WDPCP: variants seen among roughly 807,000 people sequenced by gnomAD.
The protein encoded by WDPCP is WD repeat-containing and planar cell polarity effector protein fritz homolog.
In WDPCP, 71 loss-of-function variants were observed where a neutral mutation model predicts 93.1. The ratio of observed to expected loss-of-function variants is 0.76; its 90% CI spans 0.63 to 0.93. WDPCP has a LOEUF of 0.93. Among genes scored for constraint, WDPCP ranks in the 40% least tolerant of loss-of-function variants. WDPCP has a pLI of 0.00. For synonymous variants in WDPCP, 315 were observed against 315.0 expected, an observed-to-expected ratio of 1.00 and a Z score of 0.00; for missense variants, 844 against 887.4, an observed-to-expected ratio of 0.95 and a Z score of 0.62.
intron 14 of WDPCP, among the ~76,000 whole-genome samples, chr2:63,212,970 A>G (rs1340280894): frequency 6.6e-6 from 1 of 152,164 alleles, no homozygotes; most frequent in African/African-American, 2.4e-5. Context: ...CAGATTCATA[A>G]AGCAAGTCCT....
chr2:63,244,837 C>T (rs749543826), intron 14 of WDPCP, among the ~76,000 whole-genome samples: 41 of 152,220 alleles, frequency 2.7e-4, no homozygotes, highest in Middle Eastern at 6.8e-3. Context: ...AGATGGGTGT[C>T]GGTCAGTTAT....
intron 8 of WDPCP, among the ~76,000 whole-genome samples, chr2:63,434,757 A>AG (rs940100110): frequency 5.3e-5 from 8 of 152,146 alleles, no homozygotes; most frequent in African/African-American, 1.9e-4. Flanking sequence ...AGCAAAGGGC[A>AG]GGGGGTCTTC....
At chr2:63,179,905 T>C (rs1347494994) in intron 14 of WDPCP, among the ~76,000 whole-genome samples, 1 of 152,216 alleles carries the variant, frequency 6.6e-6, no homozygotes, top group African/African-American at 2.4e-5. Flanking sequence ...TAAGATTTGT[T>C]TTGTGGCCTT....
intron 1 of WDPCP, among the ~76,000 whole-genome samples, chr2:63,581,940 T>G (rs1708522909): frequency 6.6e-6 from 1 of 151,312 alleles, no homozygotes; most frequent in Non-Finnish European, 1.5e-5. Flanking sequence ...CCTAGGAGGT[T>G]GAGGCTGCAC....
At chr2:63,270,172 C>A (rs906728272) in intron 13 of WDPCP, among the ~76,000 whole-genome samples, 3 of 152,042 alleles carry the variant, frequency 2.0e-5, no homozygotes, top group South Asian at 2.1e-4. Flanking sequence ...CACAGTCTTT[C>A]TTGTATTAGG....
chr2:63,481,400 G>A (rs553957361), intron 6 of WDPCP, among the ~76,000 whole-genome samples: 4 of 151,966 alleles, frequency 2.6e-5, no homozygotes, highest in Middle Eastern at 3.4e-3. Context: ...GGTATCTACC[G>A]AGATGAAAAG....
intron 13 of WDPCP, among the ~76,000 whole-genome samples, chr2:63,283,002 T>G (rs1459078750): frequency 6.6e-6 from 1 of 152,198 alleles, no homozygotes; most frequent in African/African-American, 2.4e-5. Context: ...AAGTTTTGCT[T>G]TTTGGAATTT....
intron 2 of WDPCP, among the ~76,000 whole-genome samples, chr2:63,678,437 T>A (rs956997555): frequency 6.6e-6 from 1 of 152,220 alleles, no homozygotes; most frequent in Non-Finnish European, 1.5e-5. Context: ...ATTGATTGAT[T>A]TATCTTTCCA....
intron 3 of WDPCP, chr2:63,606,077 T>A (rs1443910134): frequency 6.6e-7 from 1 of 1,511,166 alleles, no homozygotes; most frequent in Non-Finnish European, 9.2e-7. Context: ...TAGTTATATG[T>A]TTCTCTTAAG....
In WDPCP at chr2:63,164,061, T is replaced by C. The variant is rs566078295; in HGVS notation, c.2079-10487A>G. On this transcript the variant is annotated intron_variant, in intron 15 of 17. Coordinates refer to ENST00000272321, the MANE Select transcript of WDPCP (RefSeq NM_015910.7). ...CTAGCTGTAAATATCAAAGTAGATA[T>C]ATTTACTGCAAATACAAGGTTTATT... Among the ~76,000 whole-genome samples the C allele has an allele frequency of 2.6e-5, 4 of 152,336 alleles. No homozygotes were observed. The South Asian group carries it at 8.3e-4, about 32-fold the overall frequency.
chr2:63,204,107 G>A (rs1052777750), intron 14 of WDPCP, among the ~76,000 whole-genome samples: 1 of 152,082 alleles, frequency 6.6e-6, no homozygotes, highest in African/African-American at 2.4e-5. Flanking sequence ...TCTATTTTTA[G>A]TTTTTTGAGG....
At chr2:63,249,974 G>A (rs917368402) in intron 14 of WDPCP, among the ~76,000 whole-genome samples, 2 of 152,172 alleles carry the variant, frequency 1.3e-5, no homozygotes, top group Non-Finnish European at 2.9e-5. Flanking sequence ...TCTTCACAAT[G>A]TCATGGATAG....
chr2:63,580,849 T>C (rs1575695701), intron 1 of WDPCP, among the ~76,000 whole-genome samples: 1 of 152,200 alleles, frequency 6.6e-6, no homozygotes, highest in Admixed American at 6.5e-5. Flanking sequence ...GTTCTTGGAA[T>C]ATATTCACTG....
At chr2:63,586,658 T>G (rs1423639102) in intron 1 of WDPCP, among the ~76,000 whole-genome samples, 1 of 152,198 alleles carries the variant, frequency 6.6e-6, no homozygotes, top group Non-Finnish European at 1.5e-5. Context: ...TAACCTGATT[T>G]ACAAGGGCAA....
chr2:63,305,866 T>C (rs1427197956), intron 13 of WDPCP, among the ~76,000 whole-genome samples: 1 of 151,636 alleles, frequency 6.6e-6, no homozygotes, highest in African/African-American at 2.4e-5. Flanking sequence ...ATAAATGACC[T>C]GATGGAGATG....
intron 1 of WDPCP, among the ~76,000 whole-genome samples, chr2:63,516,357 ATTAT>A (rs1250555288): frequency 6.6e-6 from 1 of 152,144 alleles, no homozygotes; most frequent in Admixed American, 6.5e-5. Context: ...TATACAATAG[ATTAT>A]TTAGTCACTC....
At chr2:63,837,243 G>A in the WDPCP span, among the ~76,000 whole-genome samples, 1 of 152,174 alleles carries the variant, frequency 6.6e-6, no homozygotes, top group Non-Finnish European at 1.5e-5. Flanking sequence ...CCATCTCATA[G>A]ATATAATTTG....
intron 14 of WDPCP, among the ~76,000 whole-genome samples, chr2:63,244,749 T>C (rs1327819578): frequency 6.6e-6 from 1 of 152,160 alleles, no homozygotes; most frequent in Non-Finnish European, 1.5e-5. Flanking sequence ...ATTTCTGAGG[T>C]ACAGCCACAT....
chr2:63,472,204 TTTTC>T (rs1458974594), intron 6 of WDPCP, among the ~76,000 whole-genome samples: 2 of 151,940 alleles, frequency 1.3e-5, no homozygotes, highest in South Asian at 2.1e-4. Context: ...GTTTTTTGGA[TTTTC>T]TTTTTTTCTC....
Sources: gnomAD v4.1 joint callset for allele counts (sites outside exome capture counted in the v4.1 genomes callset) on GRCh38, gnomAD v4.1.1 for gene constraint, MANE v1.5 for transcripts, NCBI Gene and HGNC (gene_info 2026-07-23, HGNC 2026-07-21) for gene names.